The following STX12 variants were observed in gnomAD, a reference collection of about 807,000 sequenced individuals.
STX12 encodes syntaxin 12, also known as syntaxin-12.
In STX12, 17 loss-of-function variants were observed where a neutral mutation model predicts 42.2. The ratio of observed to expected loss-of-function variants is 0.40; its 90% CI spans 0.28 to 0.60. The LOEUF is 0.60. Ranked by LOEUF, STX12 falls within the 20% of genes least tolerant of loss-of-function variation. STX12 has a pLI of 0.39. For synonymous variants in STX12, 108 were observed against 116.7 expected, an observed-to-expected ratio of 0.93 and a Z score of 0.48; for missense variants, 297 against 330.9, an observed-to-expected ratio of 0.90 and a Z score of 0.79.
intron 3 of STX12, among the ~76,000 whole-genome samples, chr1:27,798,332 A>T (rs748533495): frequency 9.9e-5 from 15 of 151,660 alleles, no homozygotes; most frequent in Non-Finnish European, 2.1e-4. Flanking sequence ...GGAGTTTGAG[A>T]CCCAGCCCGG....
chr1:27,821,653 A>C (rs996038136), intron 8 of STX12, among the ~76,000 whole-genome samples: 2 of 152,178 alleles, frequency 1.3e-5, no homozygotes, highest in African/African-American at 4.8e-5. Context: ...TATTGCAAAT[A>C]ATGCCTGGCA....
intron 5 of STX12, among the ~76,000 whole-genome samples, chr1:27,811,341 A>T (rs1011527664): frequency 7.3e-5 from 11 of 150,612 alleles, no homozygotes; most frequent in Non-Finnish European, 1.5e-5. Flanking sequence ...ATGGTGGCTC[A>T]AGCCTGTAAT....
At chr1:27,810,928 G>A (rs1490738454) in intron 5 of STX12, among the ~76,000 whole-genome samples, 1 of 152,014 alleles carries the variant, frequency 6.6e-6, no homozygotes, top group African/African-American at 2.4e-5. Context: ...GGTGAAGTAT[G>A]ATTTATGATA....
intron 6 of STX12, among the ~76,000 whole-genome samples, chr1:27,817,332 C>T (rs897864003): frequency 6.6e-6 from 1 of 152,180 alleles, no homozygotes; most frequent in Non-Finnish European, 1.5e-5. Flanking sequence ...TACCATAGGG[C>T]ATTGTCCAGT....
chr1:27,818,411 C>A (rs2088957875), intron 7 of STX12, among the ~76,000 whole-genome samples: 1 of 151,330 alleles, frequency 6.6e-6, no homozygotes, highest in Admixed American at 6.6e-5. Flanking sequence ...TGGAGTTAGT[C>A]ATATCAGCTA....
At chr1:27,808,529 C>T (rs1385908958) in intron 4 of STX12, among the ~76,000 whole-genome samples, 1 of 151,668 alleles carries the variant, frequency 6.6e-6, no homozygotes, top group South Asian at 2.1e-4. Flanking sequence ...TTAGTAGAGA[C>T]GGGGTTTCAC....
intron 6 of STX12, among the ~76,000 whole-genome samples, chr1:27,814,837 CAAA>C (rs34514169): frequency 2.4e-5 from 2 of 84,558 alleles, no homozygotes; most frequent in Admixed American, 1.3e-4. Context: ...GACTCTGTCT[CAAA>C]AAAAAAAAAA....
chr1:27,792,493 A>G (rs1364094626), intron 2 of STX12, among the ~76,000 whole-genome samples: 4 of 151,602 alleles, frequency 2.6e-5, no homozygotes, highest in Non-Finnish European at 4.4e-5. Flanking sequence ...GGGATGTTCA[A>G]GCCACTGATT....
chr1:27,819,682 G>T lies in STX12; in HGVS notation c.682G>T (p.Val228Leu). 8 of 1,613,926 alleles carry T rather than the reference G, an allele frequency of 5.0e-6. No individual in the cohort carries two copies. Among genetic ancestry groups the T allele is most frequent in the South Asian group, 1.1e-5 (1 of 91,076 alleles). ...SIEANVESSEVHVERATEQLQ... is the reference protein window; with the variant it reads ...SIEANVESSELHVERATEQLQ... ...AGAAGCCAATGTGGAAAGCTCAGAGGTGCACGTCGAAAGAGCCACTGAACA... is the reference window on the plus strand; with the variant it reads ...AGAAGCCAATGTGGAAAGCTCAGAGTTGCACGTCGAAAGAGCCACTGAACA... Residue 228 changes from valine to leucine, a missense_variant, in exon 8 of 9, where the codon GTG becomes TTG. By Grantham distance (32) the Val-to-Leu change is conservative. Coordinates refer to ENST00000373943, the MANE Select transcript of STX12 (RefSeq NM_177424.3).
chr1:27,822,123 G>C, intron 8 of STX12, 108 bp from the exon 9 acceptor site: 1 of 732,472 alleles, frequency 1.4e-6, no homozygotes, highest in Non-Finnish European at 2.4e-6. Context: ...CATGGATAGA[G>C]TTAATCTTTA....
intron 8 of STX12, 105 bp from the exon 9 acceptor site, chr1:27,822,126 A>T: frequency 1.4e-6 from 1 of 740,334 alleles, no homozygotes; most frequent in Non-Finnish European, 2.4e-6. Flanking sequence ...GGATAGAGTT[A>T]ATCTTTAATT....
At chr1:27,809,022 T>G (rs890007304) in intron 4 of STX12, among the ~76,000 whole-genome samples, 2 of 152,210 alleles carry the variant, frequency 1.3e-5, no homozygotes, top group African/African-American at 2.4e-5. Flanking sequence ...TGCCACGATT[T>G]GAAGCAGCCT....
intron 1 of STX12, among the ~76,000 whole-genome samples, chr1:27,783,073 T>C (rs2088678841): frequency 6.6e-6 from 1 of 152,188 alleles, no homozygotes; most frequent in Non-Finnish European, 1.5e-5. Flanking sequence ...CCACCTCTGA[T>C]GATAGTTACT....
intron 3 of STX12, among the ~76,000 whole-genome samples, chr1:27,796,765 G>T (rs1471477401): frequency 6.6e-6 from 1 of 151,416 alleles, no homozygotes; most frequent in African/African-American, 2.4e-5. Context: ...TGCGCAAATG[G>T]TGCAATCTCG....
At chr1:27,815,432 G>A (rs148158399) in intron 6 of STX12, among the ~76,000 whole-genome samples, 1 of 152,268 alleles carries the variant, frequency 6.6e-6, no homozygotes, top group East Asian at 1.9e-4. Flanking sequence ...CTTTAACTGA[G>A]TTGCCTTTCT....
At chr1:27,816,502 A>G (rs2088942714) in intron 6 of STX12, among the ~76,000 whole-genome samples, 1 of 151,094 alleles carries the variant, frequency 6.6e-6, no homozygotes, top group Non-Finnish European at 1.5e-5. Flanking sequence ...ATAAAAATAA[A>G]TAAAAAGAAA....
chr1:27,823,108 T>C lies in STX12; in HGVS notation c.*779T>C, dbSNP rs1304266288. The stretch of plus-strand genomic sequence containing the variant: ...CTGCATAGAAAGGCAGAATTAGACA[T>C]AGCATGCTTTGGAAAAGCAAATAGG... On this transcript the variant is annotated 3_prime_UTR_variant, in exon 9 of 9. Transcript: ENST00000373943. 6.6e-6 allele frequency: 1 copy of C among 152,212 alleles called. No individual in the cohort carries two copies. Among genetic ancestry groups the C allele is most frequent in the Admixed American group, 6.5e-5 (1 of 15,280 alleles). 9.4% of individuals were successfully genotyped at this position (152,212 alleles called of 1,614,324 possible). A position where few individuals can be genotyped will look rare whatever the true frequency, so the allele number is the denominator to read the frequency against.
chr1:27,792,874 T>C (rs2088758623), intron 2 of STX12, among the ~76,000 whole-genome samples: 1 of 152,210 alleles, frequency 6.6e-6, no homozygotes, highest in Admixed American at 6.5e-5. Flanking sequence ...TAAGTTCCAC[T>C]TAATATACTA....
At chr1:27,796,338 A>G (rs936163791) in intron 3 of STX12, among the ~76,000 whole-genome samples, 2 of 152,116 alleles carry the variant, frequency 1.3e-5, no homozygotes, top group Admixed American at 6.6e-5. Context: ...CTTATATACT[A>G]TCATCAATGA....
Sources: gnomAD v4.1 joint callset for allele counts (sites outside exome capture counted in the v4.1 genomes callset) on GRCh38, gnomAD v4.1.1 for gene constraint, MANE v1.5 for transcripts, NCBI Gene and HGNC (gene_info 2026-07-23, HGNC 2026-07-21) for gene names.